Variants in GPHN observed in about 807,000 individuals in gnomAD.
The protein encoded by GPHN is gephyrin.
Under a neutral mutation model 95.5 loss-of-function variants are expected in GPHN, and 17 were observed. The ratio of observed to expected loss-of-function variants is 0.18; its 90% confidence interval spans 0.12 to 0.27. The LOEUF (loss-of-function observed/expected upper bound fraction) is 0.27. Ranked by LOEUF, GPHN falls within the 10% of genes least tolerant of loss-of-function variation. The probability of loss-of-function intolerance (pLI) is 1.00; values close to 1 mark genes in which losing one functional copy is unlikely to be tolerated. For missense variants in GPHN, 660 were observed against 978.1 expected (o/e 0.67, Z 4.34); for synonymous variants, 320 against 322.5 (o/e 0.99, Z 0.08).
chr14:66,883,193 C>T (rs532546643), intron 5 of GPHN, among the ~76,000 whole-genome samples: 40 of 151,886 alleles, frequency 2.6e-4, no homozygotes, highest in African/African-American at 8.9e-4. Context: ...CCCTGAGGCT[C>T]TGTTAATTTT....
At chr14:67,340,589 G>T in the GPHN span, 2 of 1,239,640 alleles carry the variant, frequency 1.6e-6, no homozygotes, top group Non-Finnish European at 2.3e-6. Flanking sequence ...GTGCTCATTT[G>T]TATAACAGTT....
At chr14:67,287,362 A>G in the GPHN span, among the ~76,000 whole-genome samples, 179 of 152,302 alleles carry the variant, frequency 1.2e-3, no homozygotes, top group East Asian at 3.1e-3. Context: ...TATAAGAAAA[A>G]AGGATGAAAT....
the GPHN span, chr14:67,572,302 AG>A: frequency 6.6e-7 from 1 of 1,522,122 alleles, no homozygotes; most frequent in Admixed American, 1.9e-5. Flanking sequence ...GGGCGGGGGC[AG>A]GGTGGAAGCA....
rs1336858736 is a variant in GPHN at position 66,924,110 on chromosome 14, C to G, written c.730-84C>G. 6 of 784,740 alleles carry G rather than the reference C, an allele frequency of 7.6e-6. No individual in the cohort carries two copies. The African/African-American group carries it at 8.5e-5, about 11-fold the overall frequency. 48.6% of individuals were successfully genotyped at this position (784,740 alleles called of 1,614,324 possible). On this transcript the variant is annotated intron_variant, in intron 7 of 22. Transcript: ENST00000478722. Reference sequence around the variant, plus strand: ...ATTTCATTTTTCCATTTGTTTTTACCTTTTTTCCTTTTTAGTCATTTTGCT... The same window carrying G: ...ATTTCATTTTTCCATTTGTTTTTACGTTTTTTCCTTTTTAGTCATTTTGCT...
the GPHN span, among the ~76,000 whole-genome samples, chr14:67,551,369 T>C: frequency 6.6e-6 from 1 of 152,190 alleles, no homozygotes; most frequent in Non-Finnish European, 1.5e-5. Context: ...CTTTTACCTA[T>C]AAATTTCTGA....
At chr14:66,746,347 C>T (rs1176343756) in intron 2 of GPHN, among the ~76,000 whole-genome samples, 1 of 152,096 alleles carries the variant, frequency 6.6e-6, no homozygotes, top group Non-Finnish European at 1.5e-5. Flanking sequence ...TTATAAGACT[C>T]TGAGTCTTAT....
chr14:67,583,827 C>G, the GPHN span: 5 of 1,613,176 alleles, frequency 3.1e-6, no homozygotes, highest in African/African-American at 1.3e-5. Context: ...TCCAGCAGGT[C>G]CTAGACAGGT....
At chr14:67,245,730 A>T in the GPHN span, among the ~76,000 whole-genome samples, 1 of 152,178 alleles carries the variant, frequency 6.6e-6, no homozygotes, top group Non-Finnish European at 1.5e-5. Context: ...TTTCATCCTC[A>T]TAACTTCTAT....
chr14:67,098,463 A>G (rs980772685), intron 12 of GPHN, among the ~76,000 whole-genome samples: 3 of 152,170 alleles, frequency 2.0e-5, no homozygotes, highest in Non-Finnish European at 1.5e-5. Flanking sequence ...ATTCAGATTC[A>G]GGTTTTTTTA....
the GPHN span, chr14:67,359,772 C>A: frequency 1.2e-5 from 19 of 1,554,364 alleles, no homozygotes; most frequent in Non-Finnish European, 1.5e-5. Flanking sequence ...CTGGCCTCCA[C>A]AGTGTCTTCC....
the GPHN span, chr14:67,659,645 A>T: frequency 7.4e-7 from 1 of 1,358,476 alleles, no homozygotes; most frequent in Admixed American, 2.6e-5. Flanking sequence ...TACACTGATA[A>T]CATGAAATAC....
intron 2 of GPHN, among the ~76,000 whole-genome samples, chr14:66,707,891 A>G (rs1183705457): frequency 6.6e-6 from 1 of 152,196 alleles, no homozygotes; most frequent in Non-Finnish European, 1.5e-5. Context: ...CAGTTACTAT[A>G]TCTAACAGTT....
At chr14:67,695,642 G>A in the GPHN span, 1 of 1,613,946 alleles carries the variant, frequency 6.2e-7, no homozygotes, top group Non-Finnish European at 8.5e-7. Context: ...GATTTGGGGC[G>A]CAGCCATATA....
At chr14:66,690,825 G>A (rs78974417) in intron 2 of GPHN, among the ~76,000 whole-genome samples, 106 of 152,000 alleles carry the variant, frequency 7.0e-4, no homozygotes, top group Non-Finnish European at 1.3e-3. Flanking sequence ...TCACTCCCTC[G>A]GTTTGTGTAA....
chr14:67,279,162 T>C, the GPHN span: 6 of 1,558,814 alleles, frequency 3.8e-6, no homozygotes, highest in Non-Finnish European at 5.2e-6. Flanking sequence ...CAGGTTTTCA[T>C]AGATAACCAT....
At chr14:66,599,392 A>ATTTTTTTTTTTTTTTTTTTTTT (rs765267813) in intron 1 of GPHN, among the ~76,000 whole-genome samples, 7 of 76,524 alleles carry the variant, frequency 9.1e-5, no homozygotes, top group South Asian at 4.2e-4. Context: ...TTTTTTTTGC[A>ATTTTTTTTTTTTTTTTTTTTTT]TTTTTTTTTT....
the GPHN span, chr14:67,332,990 A>C: frequency 1.3e-6 from 2 of 1,578,994 alleles, no homozygotes; most frequent in African/African-American, 2.7e-5. Context: ...GTTGGACTTG[A>C]TCTGGCAAAA....
chr14:67,022,565 T>TTG (rs2073698299), intron 9 of GPHN, among the ~76,000 whole-genome samples: 1 of 93,696 alleles, frequency 1.1e-5, no homozygotes, highest in Non-Finnish European at 1.9e-5. Flanking sequence ...TTTTTTTTTT[T>TTG]TTGGTGTGTG....
intron 1 of GPHN, among the ~76,000 whole-genome samples, chr14:66,567,919 A>G (rs1165510340): frequency 2.0e-5 from 3 of 152,228 alleles, no homozygotes; most frequent in Non-Finnish European, 2.9e-5. Flanking sequence ...AGCTCAAGTT[A>G]GTGTAGCTAA....
Sources: allele counts gnomAD v4.1 joint callset (sites outside exome capture counted in the v4.1 genomes callset), GRCh38; gene constraint gnomAD v4.1.1; transcripts MANE v1.5; gene names NCBI Gene and HGNC (gene_info 2026-07-23, HGNC 2026-07-21).